The following TBC1D22A variants were observed in gnomAD, a reference collection of about 807,000 sequenced individuals.
TBC1D22A encodes putative GTPase activator.
TBC1D22A carries 38 observed loss-of-function variants against 60.2 expected under a neutral mutation model. The ratio of observed to expected loss-of-function variants is 0.63; its 90% CI spans 0.49 to 0.83. The LOEUF (loss-of-function observed/expected upper bound fraction) is 0.83, where lower values mean the gene tolerates loss of function less well. Among genes scored for constraint, TBC1D22A ranks in the 40% least tolerant of loss-of-function variants. The pLI is 0.00. For missense variants in TBC1D22A, 628 were observed against 701.0 expected, an observed-to-expected ratio of 0.90 and a Z score of 1.18; for synonymous variants, 302 against 281.7, an observed-to-expected ratio of 1.07 and a Z score of -0.72.
intron 11 of TBC1D22A, among the ~76,000 whole-genome samples, chr22:47,076,327 A>ATGTGTGTG (rs199960303): frequency 2.8e-5 from 4 of 142,488 alleles, no homozygotes; most frequent in South Asian, 2.3e-4. Flanking sequence ...ATATATGTAT[A>ATGTGTGTG]TGTGTGTGTG....
chr22:46,905,193 G>T (rs950746751), intron 7 of TBC1D22A, among the ~76,000 whole-genome samples: 1 of 152,208 alleles, frequency 6.6e-6, no homozygotes, highest in Admixed American at 6.5e-5. Flanking sequence ...ATTGCTTTGG[G>T]ATTAGAACTA....
chr22:46,920,806 T>C (rs1431754284), intron 8 of TBC1D22A, among the ~76,000 whole-genome samples: 4 of 151,534 alleles, frequency 2.6e-5, no homozygotes, highest in Non-Finnish European at 4.4e-5. Flanking sequence ...ATGGTGTCTC[T>C]GTTGCTCAGG....
chr22:47,005,959 C>T (rs1398478031), intron 10 of TBC1D22A, among the ~76,000 whole-genome samples: 1 of 152,000 alleles, frequency 6.6e-6, no homozygotes, highest in Non-Finnish European at 1.5e-5. Flanking sequence ...CACCCCTACA[C>T]ATGCCTATAC....
At chr22:47,114,348 C>T (rs1015676296) in intron 12 of TBC1D22A, among the ~76,000 whole-genome samples, 2 of 151,886 alleles carry the variant, frequency 1.3e-5, no homozygotes, top group African/African-American at 2.4e-5. Context: ...CGGGAGGAGG[C>T]GCTGGCAGAG....
intron 4 of TBC1D22A, among the ~76,000 whole-genome samples, chr22:46,831,148 C>G (rs1431156887): frequency 6.6e-6 from 1 of 152,118 alleles, no homozygotes; most frequent in Non-Finnish European, 1.5e-5. Flanking sequence ...ACGAAATCAC[C>G]CAGTGGGCTC....
intron 8 of TBC1D22A, among the ~76,000 whole-genome samples, chr22:46,933,179 G>C (rs933813025): frequency 1.3e-5 from 2 of 152,148 alleles, no homozygotes; most frequent in African/African-American, 4.8e-5. Context: ...TGAGCTGTTA[G>C]GATCCATCAG....
At chr22:46,997,768 T>G in intron 10 of TBC1D22A, 59 bp downstream of exon 10, 1 of 1,511,016 alleles carries the variant, frequency 6.6e-7, no homozygotes, top group South Asian at 1.1e-5. Flanking sequence ...CCCTCAGCCC[T>G]CGGTGGGACA....
In TBC1D22A at chr22:46,944,939, T is replaced by C. The variant is rs188798275; in HGVS notation, c.1016-29351T>C. Among the ~76,000 whole-genome samples, 139 of 152,370 alleles carry C rather than the reference T, an allele frequency of 9.1e-4. 1 individual carries two copies. Among genetic ancestry groups the C allele is most frequent in the African/African-American group, 3.2e-3 (132 of 41,580 alleles). ...CATGTAGATGATTTTTCTTTTAAGATAGATAATTAAATATGTATAGATTAT... is the reference window on the plus strand; with the variant it reads ...CATGTAGATGATTTTTCTTTTAAGACAGATAATTAAATATGTATAGATTAT... On this transcript the variant is annotated intron_variant, in intron 8 of 12. Transcript: ENST00000337137.
intron 5 of TBC1D22A, among the ~76,000 whole-genome samples, chr22:46,884,075 C>T (rs1569171705): frequency 6.6e-6 from 1 of 152,126 alleles, no homozygotes. Context: ...CGTTCCAAGC[C>T]CTTGGACGAA....
intron 11 of TBC1D22A, among the ~76,000 whole-genome samples, chr22:47,067,597 C>T (rs367850283): frequency 0.011 from 1,676 of 152,254 alleles, 26 homozygotes; most frequent in African/African-American, 0.038. Context: ...AGTGGCTGGG[C>T]GTGTCTGCCC....
chr22:47,084,118 C>T (rs766650157), intron 11 of TBC1D22A, among the ~76,000 whole-genome samples: 7 of 152,330 alleles, frequency 4.6e-5, no homozygotes, highest in Non-Finnish European at 8.8e-5. Flanking sequence ...TTAAGTCATA[C>T]GCAGTCAGGC....
intron 11 of TBC1D22A, among the ~76,000 whole-genome samples, chr22:47,053,427 G>A (rs2063290362): frequency 1.3e-5 from 2 of 152,204 alleles, no homozygotes; most frequent in Admixed American, 1.3e-4. Flanking sequence ...TGCAGGACCA[G>A]CAAGCAGGGT....
intron 7 of TBC1D22A, among the ~76,000 whole-genome samples, chr22:46,898,333 C>T (rs575185696): frequency 8.5e-5 from 13 of 152,220 alleles, no homozygotes; most frequent in East Asian, 3.9e-4. Context: ...GATGAGACAA[C>T]GCTCAATCAT....
chr22:46,990,490 C>A lies in TBC1D22A; in HGVS notation c.1126-7144C>A, dbSNP rs926608064. 3.3e-5 allele frequency among the ~76,000 whole-genome samples: 5 copies of A among 152,142 alleles called. No homozygotes were observed. Among genetic ancestry groups the A allele is most frequent in the Non-Finnish European group, 5.9e-5 (4 of 68,034 alleles). ...TGACTTCAGTGTGGCATATGTGTTA[C>A]AATTGAGGAGCCAATATCGATACAT... On this transcript the variant is annotated intron_variant, in intron 9 of 12. Transcript: ENST00000337137. The surrounding 1 kb of genome is among the most constrained non-coding windows in gnomAD (Gnocchi z 4.6).
chr22:47,005,777 C>G (rs970436364), intron 10 of TBC1D22A, among the ~76,000 whole-genome samples: 3 of 151,580 alleles, frequency 2.0e-5, no homozygotes, highest in African/African-American at 7.3e-5. Flanking sequence ...CACACATATC[C>G]AATATACACA....
At chr22:46,960,446 G>A (rs2073434096) in intron 8 of TBC1D22A, among the ~76,000 whole-genome samples, 1 of 151,998 alleles carries the variant, frequency 6.6e-6, no homozygotes, top group Non-Finnish European at 1.5e-5. Flanking sequence ...GTTTTTATTA[G>A]AGACGGGTTT....
At chr22:46,768,514 A>G (rs976275426) in intron 1 of TBC1D22A, among the ~76,000 whole-genome samples, 6 of 149,014 alleles carry the variant, frequency 4.0e-5, no homozygotes, top group African/African-American at 1.5e-4. Context: ...AAAAAATAGA[A>G]TCTGAAGGTT....
chr22:46,818,878 G>GT (rs148229189), intron 4 of TBC1D22A, among the ~76,000 whole-genome samples: 41,335 of 152,072 alleles, frequency 0.27, 5,732 homozygotes, highest in South Asian at 0.42. Flanking sequence ...GATGGAATGT[G>GT]TTTTCCTTTG....
At chr22:47,051,907 G>A (rs60390532) in intron 11 of TBC1D22A, among the ~76,000 whole-genome samples, 2,450 of 152,356 alleles carry the variant, frequency 0.016, 75 homozygotes, top group African/African-American at 0.056. Flanking sequence ...CCTGAAAGGC[G>A]GTCACTGTGC....
Sources: allele counts gnomAD v4.1 joint callset (sites outside exome capture counted in the v4.1 genomes callset), GRCh38; gene constraint gnomAD v4.1.1; non-coding constraint Gnocchi (gnomAD v3.1); transcripts MANE v1.5; gene names NCBI Gene and HGNC (gene_info 2026-07-23, HGNC 2026-07-21).